VIPR1: variants seen among roughly 807,000 people sequenced by gnomAD.
VIPR1 encodes vasoactive intestinal polypeptide receptor 1.
Under a neutral mutation model 58.8 loss-of-function variants are expected in VIPR1, and 59 were observed. The ratio of observed to expected loss-of-function variants is 1.00; its 90% CI spans 0.81 to 1.25. VIPR1 has a LOEUF of 1.25. Ranked by LOEUF, VIPR1 falls within the 50% of genes most tolerant of loss-of-function variation. The pLI is 0.00. For synonymous variants in VIPR1, 251 were observed against 242.1 expected (o/e 1.04, Z -0.34); for missense variants, 626 against 602.7 (o/e 1.04, Z -0.40).
At chr3:42,514,249 A>T (rs1273820438) in intron 2 of VIPR1, among the ~76,000 whole-genome samples, 1 of 152,000 alleles carries the variant, frequency 6.6e-6, no homozygotes, top group Non-Finnish European at 1.5e-5. Flanking sequence ...GACCCCCTGG[A>T]GCTGGCATGG....
At position 42,526,802 on chromosome 3, in the gene VIPR1, A is replaced by C. The variant is rs2239502; in HGVS notation, c.400-591A>C. ...CTGCACCTGTGTCCATGGGGAGGGC[A>C]TCAGGAGAGGGGACCAAGCGAGACA... is the stretch of plus-strand genomic sequence containing the variant. On this transcript the variant is annotated intron_variant, in intron 4 of 12. Transcript: ENST00000325123. 6.6e-5 allele frequency among the ~76,000 whole-genome samples: 10 copies of C among 152,246 alleles called. No homozygotes were observed. The East Asian group carries it at 1.7e-3, about 27-fold the overall frequency.
intron 2 of VIPR1, among the ~76,000 whole-genome samples, chr3:42,514,241 C>T (rs1700510394): frequency 6.6e-6 from 1 of 152,002 alleles, no homozygotes; most frequent in African/African-American, 2.4e-5. Flanking sequence ...GGTTCCAGGA[C>T]CCCCTGGAGC....
At position 42,510,781 on chromosome 3, in the gene VIPR1, C is replaced by T. The variant is rs573475633; in HGVS notation, c.79-2968C>T. Among the ~76,000 whole-genome samples, 36 of 152,240 alleles carry T rather than the reference C, an allele frequency of 2.4e-4. 1 individual carries two copies. In the South Asian group the frequency reaches 7.5e-3, roughly 32 times the overall value. ...ACTGTTTCATAAACACCACAGGCTT[C>T]GGTACCCACCCCTCCTTTCTCTCCA... On this transcript the variant is annotated intron_variant, in intron 1 of 12. Transcript: ENST00000325123.
At chr3:42,529,089 C>G (rs778621806) in intron 6 of VIPR1, among the ~76,000 whole-genome samples, 6 of 152,160 alleles carry the variant, frequency 3.9e-5, no homozygotes, top group Non-Finnish European at 8.8e-5. Flanking sequence ...ATTATGGAGA[C>G]TGGCTTCCCA....
At chr3:42,517,880 G>T (rs1056526288) in intron 2 of VIPR1, among the ~76,000 whole-genome samples, 1 of 152,200 alleles carries the variant, frequency 6.6e-6, no homozygotes, top group African/African-American at 2.4e-5. Flanking sequence ...GAAGGCTGAG[G>T]CAGGAGAATC....
At chr3:42,526,589 C>A (rs1426053753) in intron 4 of VIPR1, among the ~76,000 whole-genome samples, 1 of 152,176 alleles carries the variant, frequency 6.6e-6, no homozygotes, top group East Asian at 1.9e-4. Context: ...GCATCTGCCC[C>A]ACCCTCAGGC....
At chr3:42,528,442 T>A in intron 6 of VIPR1, 1 of 313,760 alleles carries the variant, frequency 3.2e-6, no homozygotes, top group South Asian at 6.1e-5. Context: ...TAACTTCCTA[T>A]GTGGCCTTGG....
intron 4 of VIPR1, among the ~76,000 whole-genome samples, chr3:42,526,829 C>G (rs1284510922): frequency 1.3e-5 from 2 of 152,160 alleles, no homozygotes; most frequent in African/African-American, 2.4e-5. Flanking sequence ...AGCGAGACAC[C>G]CTCGGGGCCT....
upstream of VIPR1, among the ~76,000 whole-genome samples, chr3:42,498,450 C>T (rs753808150): frequency 2.6e-5 from 4 of 152,146 alleles, no homozygotes; most frequent in Non-Finnish European, 5.9e-5. Context: ...ACAGGTCCCC[C>T]TGCCATCCAA....
In VIPR1 at chr3:42,536,191, C is replaced by T; in HGVS notation, c.1284C>T (p.Ala428=). The T allele has an allele frequency of 1.2e-6, 2 of 1,601,540 alleles. No individual in the cohort carries two copies. ...ACCCGTCGGGAGGCAGCAACGGCGC[C>T]ACGTGCAGCACGCAGGTTTCCATGC... ...YRHPSGGSNG[A]TCSTQVSMLT... is the part of the protein sequence containing the mutation. Residue 428 remains alanine (A), a synonymous_variant, in exon 13 of 13, where the codon GCC becomes GCT. Transcript: ENST00000325123.
chr3:42,495,289 A>AT (rs1699736567), intron 1 of VIPR1, among the ~76,000 whole-genome samples: 1 of 151,718 alleles, frequency 6.6e-6, no homozygotes, highest in South Asian at 2.1e-4. Flanking sequence ...TCCCGGCTAA[A>AT]TTTTTTTATT....
At chr3:42,490,638 T>A (rs956115953) in intron 1 of VIPR1, among the ~76,000 whole-genome samples, 1 of 152,136 alleles carries the variant, frequency 6.6e-6, no homozygotes, top group Non-Finnish European at 1.5e-5. Context: ...ATGTAAGAAC[T>A]GCCTCCAGGT....
chr3:42,504,926 A>G (rs140019779), intron 1 of VIPR1, among the ~76,000 whole-genome samples: 10 of 145,802 alleles, frequency 6.9e-5, no homozygotes, highest in Non-Finnish European at 1.1e-4. Context: ...AAAAAAAAAA[A>G]GGAAAGAAAA....
intron 1 of VIPR1, among the ~76,000 whole-genome samples, chr3:42,493,542 A>T (rs996246872): frequency 1.3e-5 from 2 of 152,078 alleles, no homozygotes; most frequent in Non-Finnish European, 2.9e-5. Context: ...CAGAGGAGGG[A>T]TTAGAGCTGG....
At chr3:42,531,419 A>G (rs1350513414) in intron 7 of VIPR1, 52 bp from the exon 8 acceptor site, 2 of 1,541,998 alleles carry the variant, frequency 1.3e-6, no homozygotes, top group African/African-American at 2.8e-5. Flanking sequence ...CATGCCCTCT[A>G]CCCCTGCTTC....
At chr3:42,514,116 G>T (rs547728812) in intron 2 of VIPR1, among the ~76,000 whole-genome samples, 2 of 152,082 alleles carry the variant, frequency 1.3e-5, no homozygotes, top group South Asian at 4.2e-4. Context: ...TGCCTCTGGG[G>T]GTCCCTATCC....
chr3:42,537,070 T>C lies in VIPR1; in HGVS notation c.*789T>C, dbSNP rs921625509. ...CAGTGGCTTCATCTGTCAAGTGGGATCTGTCACACCAGCCATACTTATCTC... is the reference window on the plus strand; with the variant it reads ...CAGTGGCTTCATCTGTCAAGTGGGACCTGTCACACCAGCCATACTTATCTC... On this transcript the variant is annotated 3_prime_UTR_variant, in exon 13 of 13. Coordinates refer to ENST00000325123, the MANE Select transcript of VIPR1 (RefSeq NM_004624.4). 1 of 152,182 alleles carries C rather than the reference T, an allele frequency of 6.6e-6. No individual in the cohort carries two copies. The highest frequency in any genetic ancestry group is 2.4e-5 in the African/African-American group (1 of 41,442). 9.4% of individuals were successfully genotyped at this position (152,182 alleles called of 1,614,324 possible).
chr3:42,530,491 G>A (rs1267823596), intron 6 of VIPR1: 3 of 359,046 alleles, frequency 8.4e-6, no homozygotes, highest in Admixed American at 8.1e-5. Flanking sequence ...ACATGGATAG[G>A]TGGGTAGATG....
chr3:42,507,319 C>G (rs1577205383), intron 1 of VIPR1: 2 of 152,260 alleles, frequency 1.3e-5, no homozygotes, highest in African/African-American at 4.8e-5. Flanking sequence ...AGCAGGGTGC[C>G]TTGGCAGTGA....
Sources: allele counts gnomAD v4.1 joint callset (sites outside exome capture counted in the v4.1 genomes callset), GRCh38; gene constraint gnomAD v4.1.1; transcripts MANE v1.5; gene names NCBI Gene and HGNC (gene_info 2026-07-23, HGNC 2026-07-21).